Variants in CREB5 observed in about 807,000 individuals in gnomAD.
The protein encoded by CREB5 is cAMP responsive element binding protein 5, also known as cyclic AMP-responsive element-binding protein 5.
CREB5 carries 19 observed loss-of-function variants against 57.1 expected under a neutral mutation model. That is an observed-to-expected ratio of 0.33 (90% CI 0.23 to 0.49). The LOEUF (loss-of-function observed/expected upper bound fraction) is 0.49. CREB5 is among the 20% of genes least tolerant of loss of function. The pLI is 0.99. For synonymous variants in CREB5, 238 were observed against 238.3 expected, an observed-to-expected ratio of 1.00 and a Z score of 0.01; for missense variants, 579 against 671.6, an observed-to-expected ratio of 0.86 and a Z score of 1.52.
At chr7:28,547,178 T>C (rs1258762660) in intron 4 of CREB5, among the ~76,000 whole-genome samples, 1 of 152,228 alleles carries the variant, frequency 6.6e-6, no homozygotes, top group Non-Finnish European at 1.5e-5. Flanking sequence ...TGTGAGAATA[T>C]AGGGACATTT....
At chr7:28,539,113 CAT>C (rs1231943749) in intron 4 of CREB5, among the ~76,000 whole-genome samples, 2 of 152,222 alleles carry the variant, frequency 1.3e-5, no homozygotes, top group Non-Finnish European at 2.9e-5. Flanking sequence ...TTAATCTCTA[CAT>C]GTCTCAGTTT....
intron 5 of CREB5, among the ~76,000 whole-genome samples, chr7:28,602,943 A>C (rs1001176562): frequency 6.6e-6 from 1 of 152,224 alleles, no homozygotes; most frequent in Admixed American, 6.5e-5. Context: ...CTAATTATGC[A>C]AGATGTTACC....
intron 10 of CREB5, chr7:28,818,880 C>G (rs1420740401): frequency 1.7e-6 from 1 of 584,622 alleles, no homozygotes; most frequent in African/African-American, 1.8e-5. Context: ...CACATCAAAT[C>G]ATTTTACTGA....
At chr7:28,636,318 A>C (rs1257175340) in intron 5 of CREB5, among the ~76,000 whole-genome samples, 1 of 152,082 alleles carries the variant, frequency 6.6e-6, no homozygotes, top group African/African-American at 2.4e-5. Flanking sequence ...AGGAGTGTGG[A>C]ATGTGTTTAG....
chr7:28,545,681 A>G (rs1454204934), intron 4 of CREB5, among the ~76,000 whole-genome samples: 1 of 152,226 alleles, frequency 6.6e-6, no homozygotes, highest in Non-Finnish European at 1.5e-5. Context: ...ATTAATTAAC[A>G]CTATAAACTA....
intron 1 of CREB5, among the ~76,000 whole-genome samples, chr7:28,360,780 C>T (rs1225493176): frequency 6.6e-6 from 1 of 152,126 alleles, no homozygotes; most frequent in African/African-American, 2.4e-5. Flanking sequence ...AACGTGTAGT[C>T]TGTCACAAGC....
At chr7:28,408,817 T>C (rs1178247780), upstream of CREB5, among the ~76,000 whole-genome samples, 4 of 152,040 alleles carry the variant, frequency 2.6e-5, no homozygotes, top group African/African-American at 9.7e-5. Context: ...AAAGCCAGGA[T>C]GCAGGGAGCA....
At chr7:28,797,747 T>C (rs946705630) in intron 7 of CREB5, among the ~76,000 whole-genome samples, 7 of 152,254 alleles carry the variant, frequency 4.6e-5, no homozygotes, top group Non-Finnish European at 1.0e-4. Flanking sequence ...TTACAGTTGT[T>C]AAATTCAGTG....
intron 5 of CREB5, among the ~76,000 whole-genome samples, chr7:28,593,185 A>G (rs1196297342): frequency 6.6e-6 from 1 of 152,130 alleles, no homozygotes; most frequent in African/African-American, 2.4e-5. Context: ...GTGTACCACC[A>G]TAGCTACTCA....
At chr7:28,363,457 T>G (rs1335646035) in intron 1 of CREB5, among the ~76,000 whole-genome samples, 2 of 152,120 alleles carry the variant, frequency 1.3e-5, no homozygotes, top group African/African-American at 4.8e-5. Flanking sequence ...GTCAACCTGC[T>G]GCCTTCTTGT....
At chr7:28,733,056 C>G (rs1286873151) in intron 7 of CREB5, among the ~76,000 whole-genome samples, 1 of 152,104 alleles carries the variant, frequency 6.6e-6, no homozygotes, top group Middle Eastern at 3.4e-3. Flanking sequence ...AGGCATGCCT[C>G]AATTATTTTT....
intron 7 of CREB5, among the ~76,000 whole-genome samples, chr7:28,746,800 A>G (rs1033043325): frequency 6.6e-6 from 1 of 152,198 alleles, no homozygotes; most frequent in African/African-American, 2.4e-5. Context: ...GTACACAACT[A>G]AATAGTTTAT....
chr7:28,352,519 T>A (rs1002547834), intron 1 of CREB5, among the ~76,000 whole-genome samples: 13 of 152,234 alleles, frequency 8.5e-5, no homozygotes, highest in African/African-American at 3.1e-4. Flanking sequence ...GGTAAATTTA[T>A]CATTTGACAC....
intron 5 of CREB5, among the ~76,000 whole-genome samples, chr7:28,687,976 C>T (rs1241715217): frequency 6.6e-6 from 1 of 152,182 alleles, no homozygotes; most frequent in Admixed American, 6.5e-5. Flanking sequence ...TCTCTGGAGT[C>T]TCTTTCCACT....
chr7:28,301,834 G>A (rs1785102460), intron 1 of CREB5, among the ~76,000 whole-genome samples: 1 of 152,206 alleles, frequency 6.6e-6, no homozygotes, highest in African/African-American at 2.4e-5. Flanking sequence ...GGTTACTAAT[G>A]TGACAGAAAC....
chr7:28,439,648 T>C (rs1336849845), intron 1 of CREB5, among the ~76,000 whole-genome samples: 1 of 152,142 alleles, frequency 6.6e-6, no homozygotes, highest in Non-Finnish European at 1.5e-5. Context: ...ACCTGTGCAG[T>C]CTATCACTCA....
intron 9 of CREB5, among the ~76,000 whole-genome samples, chr7:28,816,931 A>G (rs1366758883): frequency 1.3e-5 from 2 of 152,244 alleles, no homozygotes; most frequent in African/African-American, 4.8e-5. Flanking sequence ...ATAGTGCTAC[A>G]TTTACGTTCA....
intron 7 of CREB5, among the ~76,000 whole-genome samples, chr7:28,743,842 T>TC (rs986915633): frequency 3.2e-4 from 45 of 141,334 alleles, no homozygotes; most frequent in Admixed American, 2.5e-3. Flanking sequence ...CCTTTTCTTT[T>TC]TTTTTTTTTT....
At chr7:28,762,681 T>A (rs1224526130) in intron 7 of CREB5, among the ~76,000 whole-genome samples, 1 of 150,968 alleles carries the variant, frequency 6.6e-6, no homozygotes, top group Non-Finnish European at 1.5e-5. Flanking sequence ...GATCTTTCCC[T>A]AAGCAAAATA....
Sources: allele counts gnomAD v4.1 joint callset (sites outside exome capture counted in the v4.1 genomes callset), GRCh38; gene constraint gnomAD v4.1.1; transcripts MANE v1.5; gene names NCBI Gene and HGNC (gene_info 2026-07-23, HGNC 2026-07-21).